Variants in RANBP2 observed in about 807,000 individuals in gnomAD.
The protein encoded by RANBP2 is RAN binding protein 2, also known as E3 SUMO-protein ligase RanBP2.
RANBP2 carries 57 observed loss-of-function variants against 303.6 expected under a neutral mutation model. That is an observed-to-expected ratio of 0.19 (90% CI 0.15 to 0.23). RANBP2 has a LOEUF of 0.23. Among genes scored for constraint, RANBP2 ranks in the 10% least tolerant of loss-of-function variants. The probability of loss-of-function intolerance (pLI) is 1.00; values close to 1 mark genes in which losing one functional copy is unlikely to be tolerated. For synonymous variants in RANBP2, 1,167 were observed against 1,301.5 expected (o/e 0.90, Z 2.23); for missense variants, 3,138 against 3,780.8 (o/e 0.83, Z 4.46).
the RANBP2 span, among the ~76,000 whole-genome samples, chr2:109,671,626 C>A: frequency 3.3e-4 from 50 of 152,220 alleles, no homozygotes; most frequent in African/African-American, 1.2e-3. Context: ...TCACTCTTAG[C>A]AAAATTTAAG....
the RANBP2 span, among the ~76,000 whole-genome samples, chr2:109,133,723 T>G: frequency 1.0e-4 from 1 of 9,920 alleles, no homozygotes; most frequent in Admixed American, 5.2e-4. Flanking sequence ...CAAGGGACAA[T>G]TTTTTTTTTT....
chr2:108,936,619 C>T, the RANBP2 span, among the ~76,000 whole-genome samples: 1 of 152,174 alleles, frequency 6.6e-6, no homozygotes, highest in Non-Finnish European at 1.5e-5. Flanking sequence ...TCCCTGAAGC[C>T]CCCACTTCCC....
the RANBP2 span, among the ~76,000 whole-genome samples, chr2:109,579,691 AT>A: frequency 6.6e-6 from 1 of 151,146 alleles, no homozygotes; most frequent in South Asian, 2.1e-4. Flanking sequence ...CCAGGCCCTG[AT>A]TTTCATTGGT....
the RANBP2 span, among the ~76,000 whole-genome samples, chr2:109,505,123 C>T: frequency 6.6e-6 from 1 of 152,332 alleles, no homozygotes; most frequent in East Asian, 1.9e-4. Flanking sequence ...GGCTGCCATT[C>T]CCTGGAGCAC....
the RANBP2 span, among the ~76,000 whole-genome samples, chr2:109,327,370 C>T: frequency 1.5e-4 from 23 of 152,152 alleles, no homozygotes; most frequent in African/African-American, 2.9e-4. Context: ...TCAGTTCCAT[C>T]GGTCTATTTG....
At chr2:109,524,462 AAAAACAAAAC>A in the RANBP2 span, among the ~76,000 whole-genome samples, 2 of 63,260 alleles carry the variant, frequency 3.2e-5, no homozygotes, top group African/African-American at 1.2e-4. Context: ...AAAAAAAAAA[AAAAACAAAAC>A]AACACTGGGC....
chr2:109,078,225 C>A, the RANBP2 span, among the ~76,000 whole-genome samples: 5 of 51,598 alleles, frequency 9.7e-5, no homozygotes, highest in African/African-American at 1.3e-4. Flanking sequence ...ATATATATAG[C>A]GTGTATATAT....
chr2:108,725,467 A>C (rs1220949260), intron 1 of RANBP2, among the ~76,000 whole-genome samples: 1 of 152,238 alleles, frequency 6.6e-6, no homozygotes, highest in East Asian at 1.9e-4. Flanking sequence ...CTTCATTTTG[A>C]AAAGGGGGAA....
chr2:109,507,236 G>T, the RANBP2 span, among the ~76,000 whole-genome samples: 15 of 152,162 alleles, frequency 9.9e-5, no homozygotes, highest in Non-Finnish European at 1.6e-4. Context: ...GGCTTGAGAT[G>T]CACCCCCCTT....
At chr2:108,817,794 G>A in the RANBP2 span, among the ~76,000 whole-genome samples, 12 of 152,152 alleles carry the variant, frequency 7.9e-5, no homozygotes, top group Admixed American at 3.3e-4. Context: ...TTAGACTTCT[G>A]AACCTACAGA....
intron 4 of RANBP2, among the ~76,000 whole-genome samples, chr2:108,733,008 G>C (rs2149115501): frequency 6.6e-6 from 1 of 152,144 alleles, no homozygotes; most frequent in East Asian, 1.9e-4. Context: ...ATTTTTAGTA[G>C]AAACGGGGTT....
At chr2:108,979,593 C>A in the RANBP2 span, among the ~76,000 whole-genome samples, 1 of 152,096 alleles carries the variant, frequency 6.6e-6, no homozygotes, top group Non-Finnish European at 1.5e-5. Flanking sequence ...CTTGGAGACC[C>A]TGAGCCATGC....
At chr2:109,516,662 C>T in the RANBP2 span, among the ~76,000 whole-genome samples, 1 of 152,108 alleles carries the variant, frequency 6.6e-6, no homozygotes, top group Non-Finnish European at 1.5e-5. Flanking sequence ...TCTGGCCTCT[C>T]GCAGGAGCCC....
At chr2:109,005,728 T>C in the RANBP2 span, among the ~76,000 whole-genome samples, 1 of 152,228 alleles carries the variant, frequency 6.6e-6, no homozygotes, top group Non-Finnish European at 1.5e-5. Flanking sequence ...CATCTGGCAA[T>C]GACAGCTGGA....
the RANBP2 span, among the ~76,000 whole-genome samples, chr2:109,016,656 T>C: frequency 1.3e-5 from 2 of 152,286 alleles, no homozygotes; most frequent in African/African-American, 2.4e-5. Context: ...AGGAGAGACA[T>C]TGAGGCAGGG....
chr2:109,606,397 A>G, the RANBP2 span, among the ~76,000 whole-genome samples: 1 of 152,164 alleles, frequency 6.6e-6, no homozygotes, highest in Non-Finnish European at 1.5e-5. Flanking sequence ...TCTGGCGACA[A>G]AGCAAGACTC....
chr2:108,876,352 C>T, the RANBP2 span: 3 of 615,878 alleles, frequency 4.9e-6, no homozygotes, highest in Admixed American at 2.9e-5. Flanking sequence ...TTATCAGTAG[C>T]ATCATTTATC....
At chr2:109,150,757 C>G in the RANBP2 span, among the ~76,000 whole-genome samples, 3 of 152,086 alleles carry the variant, frequency 2.0e-5, no homozygotes, top group Non-Finnish European at 2.9e-5. Context: ...GGTTAGAATT[C>G]TGTTCTGATC....
chr2:109,326,975 T>C, the RANBP2 span, among the ~76,000 whole-genome samples: 1 of 152,236 alleles, frequency 6.6e-6, no homozygotes, highest in Admixed American at 6.5e-5. Context: ...TGCTAATACC[T>C]TGTTTCTGCA....
Sources: gnomAD v4.1 joint callset for allele counts (sites outside exome capture counted in the v4.1 genomes callset) on GRCh38, gnomAD v4.1.1 for gene constraint, MANE v1.5 for transcripts, NCBI Gene and HGNC (gene_info 2026-07-23, HGNC 2026-07-21) for gene names.